Variants in CLSTN1 observed in about 807,000 individuals in gnomAD.
CLSTN1 encodes the protein calsyntenin 1.
In CLSTN1, 28 loss-of-function variants were observed where a neutral mutation model predicts 108.3. The observed-to-expected ratio is 0.26, with a 90% CI of 0.19 to 0.35. The LOEUF (loss-of-function observed/expected upper bound fraction) is 0.35. Among genes scored for constraint, CLSTN1 ranks in the 10% least tolerant of loss-of-function variants. The probability of loss-of-function intolerance (pLI) is 1.00; values close to 1 mark genes in which losing one functional copy is unlikely to be tolerated. For synonymous variants in CLSTN1, 524 were observed against 534.9 expected (o/e 0.98, Z 0.28); for missense variants, 1,157 against 1,302.6 (o/e 0.89, Z 1.72).
At chr1:9,786,701 G>C (rs1364351889) in intron 1 of CLSTN1, among the ~76,000 whole-genome samples, 1 of 146,574 alleles carries the variant, frequency 6.8e-6, no homozygotes, top group African/African-American at 2.5e-5. Flanking sequence ...TGCAAGCTCT[G>C]CACATCTGGA....
At position 9,751,699 on chromosome 1, in the gene CLSTN1, G is replaced by A. The variant is rs1479561280; in HGVS notation, c.441-18C>T. ...CAGTTGCTCTGGACAAAGGGAGGGA[G>A]AAAAATATTTTTCTGCTTGTTTTCA... On this transcript the variant is annotated intron_variant, in intron 4 of 18. Transcript: ENST00000377298. The A allele has an allele frequency of 1.2e-6, 2 of 1,608,452 alleles. No individual in the cohort carries two copies. Among genetic ancestry groups the A allele is most frequent in the Middle Eastern group, 1.7e-4 (1 of 6,060 alleles).
chr1:9,766,639 G>T (rs1003506351), intron 2 of CLSTN1, among the ~76,000 whole-genome samples: 2 of 152,174 alleles, frequency 1.3e-5, no homozygotes, highest in African/African-American at 4.8e-5. Flanking sequence ...CAGCCTGGGT[G>T]ACAGAGCGAG....
intron 8 of CLSTN1, 75 bp downstream of exon 8, chr1:9,744,320 G>A: frequency 1.3e-6 from 2 of 1,530,228 alleles, no homozygotes; most frequent in East Asian, 2.3e-5. Flanking sequence ...CCTGGGAAAG[G>A]AGAGGGAGCC....
Position 9,730,040 on chromosome 1 carries a change from A to G in CLSTN1, c.*468T>C, listed in dbSNP as rs573822405. 1.3e-4 allele frequency: 25 copies of G among 185,210 alleles called. No homozygotes were observed. The highest frequency in any genetic ancestry group is 5.6e-4 in the African/African-American group (24 of 43,088). 11.5% of individuals were successfully genotyped at this position (185,210 alleles called of 1,614,324 possible). On this transcript the variant is annotated 3_prime_UTR_variant, in exon 19 of 19. Coordinates refer to ENST00000377298, the MANE Select transcript of CLSTN1 (RefSeq NM_001009566.3). This position sits in a 1 kb window ranked among gnomAD's most constrained non-coding sequence, Gnocchi z 5.6. ...TAAAAAGTCAGTTAATCATCTACACAGTACCCCCCATCCTGCCATTATTTA... is the reference window on the plus strand; with the variant it reads ...TAAAAAGTCAGTTAATCATCTACACGGTACCCCCCATCCTGCCATTATTTA...
chr1:9,824,453 C>T, upstream of CLSTN1: 1 of 152,218 alleles, frequency 6.6e-6, no homozygotes, highest in Admixed American at 6.5e-5. This position sits in a 1 kb window ranked among gnomAD's most constrained non-coding sequence, Gnocchi z 5.0. Context: ...GGTCGCGTCG[C>T]CCCCCAGAAC....
intron 1 of CLSTN1, among the ~76,000 whole-genome samples, chr1:9,795,322 C>G (rs1447283554): frequency 6.6e-6 from 1 of 150,904 alleles, no homozygotes; most frequent in Non-Finnish European, 1.5e-5. Flanking sequence ...TGCGCCACCA[C>G]GCCCGGCTAA....
chr1:9,798,094 T>A (rs1654092252), intron 1 of CLSTN1, among the ~76,000 whole-genome samples: 1 of 124,848 alleles, frequency 8.0e-6, no homozygotes, highest in Admixed American at 1.0e-4. Flanking sequence ...CGAGACTCTG[T>A]CAACAAAGAA....
At chr1:9,751,882 G>C (rs553612839) in intron 4 of CLSTN1, among the ~76,000 whole-genome samples, 1 of 152,064 alleles carries the variant, frequency 6.6e-6, no homozygotes, top group South Asian at 2.1e-4. Flanking sequence ...GGAGATAACA[G>C]AAAGTTAAAA....
intron 1 of CLSTN1, among the ~76,000 whole-genome samples, chr1:9,791,952 C>A (rs1006515479): frequency 1.3e-5 from 2 of 151,016 alleles, no homozygotes; most frequent in Non-Finnish European, 2.9e-5. Flanking sequence ...AGTTCCAGAC[C>A]AGTCTGGCCA....
At chr1:9,737,460 G>T in intron 11 of CLSTN1, 38 bp downstream of exon 11, 1 of 1,585,556 alleles carries the variant, frequency 6.3e-7, no homozygotes. Flanking sequence ...ATCTTTAAAT[G>T]AAACACAATA....
chr1:9,754,724 G>A (rs1040857593), intron 4 of CLSTN1, among the ~76,000 whole-genome samples: 7 of 151,906 alleles, frequency 4.6e-5, no homozygotes, highest in Non-Finnish European at 1.0e-4. Context: ...GCGTGGTGGC[G>A]CATGCCTGTA....
chr1:9,741,806 G>T (rs893085530), intron 9 of CLSTN1, among the ~76,000 whole-genome samples: 1 of 152,120 alleles, frequency 6.6e-6, no homozygotes, highest in African/African-American at 2.4e-5. Flanking sequence ...CAGCTACTTG[G>T]GAGGCTGAGG....
intron 15 of CLSTN1, 66 bp downstream of exon 15, chr1:9,733,906 G>T: frequency 6.7e-7 from 1 of 1,497,512 alleles, no homozygotes; most frequent in Non-Finnish European, 9.1e-7. Context: ...GCAGCAGCCA[G>T]CCAAGAGCTC....
At chr1:9,821,023 T>C (rs1655170857) in intron 1 of CLSTN1, among the ~76,000 whole-genome samples, 1 of 152,206 alleles carries the variant, frequency 6.6e-6, no homozygotes, top group Admixed American at 6.5e-5. Flanking sequence ...ATATAAGCTT[T>C]CTATTTTCTC....
In CLSTN1 at chr1:9,734,946, A is replaced by G; in HGVS notation, c.2110+2T>C. ...GAGCCCGCGCCCCACAGAGCACATT[A>G]CCTGTGGGGTCCTCAGCCCCGTCCC... is the stretch of plus-strand genomic sequence containing the variant. On this transcript the variant is annotated splice_donor_variant, in intron 14 of 18. Transcript: ENST00000377298. LOFTEE classifies it high-confidence loss of function. This position sits in a 1 kb window ranked among gnomAD's most constrained non-coding sequence, Gnocchi z 4.8. 6.2e-7 allele frequency: 1 copy of G among 1,612,210 alleles called. No individual in the cohort carries two copies. The highest frequency in any genetic ancestry group is 8.5e-7 in the Non-Finnish European group (1 of 1,178,374).
chr1:9,773,447 A>G, intron 1 of CLSTN1, 53 bp from the exon 2 acceptor site: 4 of 1,511,498 alleles, frequency 2.6e-6, no homozygotes, highest in Non-Finnish European at 3.6e-6. Context: ...ATTATTTTCA[A>G]CTCCACTACT....
rs148390850 is a variant in CLSTN1, at chr1:9,768,864, G to T, written c.214+4408C>A. Among the ~76,000 whole-genome samples the T allele has an allele frequency of 3.0e-3, 446 of 150,366 alleles. 5 individuals carry two copies. The highest frequency in any genetic ancestry group is 0.01 in the African/African-American group (426 of 40,724). On this transcript the variant is annotated intron_variant, in intron 2 of 18. Transcript: ENST00000377298. ...ACCACGGGGGTGGGGTTCTGTGTTG[G>T]GTGGCACCAAAGCAACAGAAGAGGG...
chr1:9,737,358 G>T (rs1180568595), intron 11 of CLSTN1, 140 bp downstream of exon 11: 2 of 763,848 alleles, frequency 2.6e-6, no homozygotes, highest in Non-Finnish European at 4.7e-6. Flanking sequence ...TGAAGCAATG[G>T]GGAAGCGCAA....
chr1:9,795,489 C>A (rs1421262520), intron 1 of CLSTN1, among the ~76,000 whole-genome samples: 1 of 151,248 alleles, frequency 6.6e-6, no homozygotes, highest in Non-Finnish European at 1.5e-5. Flanking sequence ...TTTAGAGCAA[C>A]AGAAAACAAA....
Sources: gnomAD v4.1 joint callset for allele counts (sites outside exome capture counted in the v4.1 genomes callset) on GRCh38, gnomAD v4.1.1 for gene constraint, Gnocchi (gnomAD v3.1) non-coding constraint, MANE v1.5 for transcripts, NCBI Gene and HGNC (gene_info 2026-07-23, HGNC 2026-07-21) for gene names.